SPIDR: variants seen among roughly 807,000 people sequenced by gnomAD.
SPIDR encodes DNA repair-scaffolding protein.
Under a neutral mutation model 104.6 loss-of-function variants are expected in SPIDR, and 93 were observed. That is an observed-to-expected ratio of 0.89 (90% CI 0.75 to 1.06). The LOEUF is 1.06. Ranked by LOEUF, SPIDR falls within the 50% of genes least tolerant of loss-of-function variation. SPIDR has a pLI of 0.00. For synonymous variants in SPIDR, 431 were observed against 416.9 expected (o/e 1.03, Z -0.41); for missense variants, 1,154 against 1,111.2 (o/e 1.04, Z -0.55).
chr8:47,489,678 A>C (rs2078328632), intron 8 of SPIDR, among the ~76,000 whole-genome samples: 1 of 152,248 alleles, frequency 6.6e-6, no homozygotes, highest in South Asian at 2.1e-4. Flanking sequence ...AACAGAACAG[A>C]GCCGTCAGAA....
At chr8:47,295,976 T>C (rs1389395713) in intron 5 of SPIDR, among the ~76,000 whole-genome samples, 1 of 152,212 alleles carries the variant, frequency 6.6e-6, no homozygotes, top group Non-Finnish European at 1.5e-5. Flanking sequence ...TGATAGTCTT[T>C]CTAACAGGTG....
At chr8:47,459,187 A>G (rs906399447) in intron 8 of SPIDR, among the ~76,000 whole-genome samples, 1 of 151,922 alleles carries the variant, frequency 6.6e-6, no homozygotes, top group Admixed American at 6.6e-5. Flanking sequence ...CTCTTTCTCT[A>G]TCTTGTGTAA....
intron 1 of SPIDR, among the ~76,000 whole-genome samples, chr8:47,272,785 GC>G (rs2035600774): frequency 6.6e-6 from 1 of 151,928 alleles, no homozygotes; most frequent in South Asian, 2.1e-4. Flanking sequence ...GGTGAGGACA[GC>G]AGTATTTATG....
intron 5 of SPIDR, among the ~76,000 whole-genome samples, chr8:47,349,993 C>G (rs1345632712): frequency 2.0e-5 from 3 of 152,276 alleles, no homozygotes; most frequent in Admixed American, 1.3e-4. Context: ...CCAGCCAGTC[C>G]CAGTGAGATG....
rs377409895 is a variant in SPIDR at position 47,448,353 on chromosome 8, T to C, written c.1097+7811T>C. Among the ~76,000 whole-genome samples, 10 of 152,322 alleles carry C rather than the reference T, an allele frequency of 6.6e-5. No individual in the cohort carries two copies. In the South Asian group the frequency reaches 1.5e-3, roughly 22 times the overall value. The stretch of plus-strand genomic sequence containing the variant: ...TGTCAGCCTTGTTTATCCTCCCTAA[T>C]TGAATGAGACTTTGTTGATTTGTAC... On this transcript the variant is annotated intron_variant, in intron 8 of 19. Coordinates refer to ENST00000297423, the MANE Select transcript of SPIDR (RefSeq NM_001080394.4).
Position 47,396,545 on chromosome 8 carries a change from A to C in SPIDR, c.695A>C (p.Glu232Ala). The C allele has an allele frequency of 6.2e-7, 1 of 1,614,180 alleles. No individual in the cohort carries two copies. The highest frequency in any genetic ancestry group is 1.1e-5 in the South Asian group (1 of 91,090). ...ATAGATCCAAGGACAAAATCAACAG[A>C]GACCATTTTGCATACACCTCAGAAA... Reference protein sequence around the residue: ...RLIDPRTKSTETILHTPQKPT... With the variant: ...RLIDPRTKSTATILHTPQKPT... Residue 232 changes from glutamate (E) to alanine (A), a missense_variant, in exon 6 of 20, where the codon GAG (glutamate) becomes GCG (alanine). Transcript: ENST00000297423.
chr8:47,625,234 C>T lies in SPIDR; in HGVS notation c.1544+26038C>T, dbSNP rs571886336. Among the ~76,000 whole-genome samples, 571 of 152,208 alleles carry T rather than the reference C, an allele frequency of 3.8e-3. 3 individuals are homozygous for T. Among genetic ancestry groups the T allele is most frequent in the South Asian group, 0.022 (107 of 4,820 alleles). ...ATAAATTAGGTATTGATGAGACGTACCTCAAAATAATAAGAGCTATCTATG... is the reference window on the plus strand; with the variant it reads ...ATAAATTAGGTATTGATGAGACGTATCTCAAAATAATAAGAGCTATCTATG... On this transcript the variant is annotated intron_variant, in intron 10 of 19. Transcript: ENST00000297423.
chr8:47,379,174 C>T (rs1257511429), intron 5 of SPIDR, among the ~76,000 whole-genome samples: 1 of 152,154 alleles, frequency 6.6e-6, no homozygotes, highest in Non-Finnish European at 1.5e-5. Flanking sequence ...ACTGCACTAC[C>T]TCAGAGTCCA....
At chr8:47,447,506 G>A (rs1209392695) in intron 8 of SPIDR, among the ~76,000 whole-genome samples, 4 of 152,186 alleles carry the variant, frequency 2.6e-5, no homozygotes, top group African/African-American at 4.8e-5. Context: ...GAGCCACCGC[G>A]CCTGGCCAGA....
At chr8:47,344,337 A>G (rs1554616084) in intron 5 of SPIDR, among the ~76,000 whole-genome samples, 1 of 152,120 alleles carries the variant, frequency 6.6e-6, no homozygotes, top group Non-Finnish European at 1.5e-5. Flanking sequence ...CATGGTGTAT[A>G]TGTGCCACAT....
intron 8 of SPIDR, among the ~76,000 whole-genome samples, chr8:47,522,195 A>G (rs1245180519): frequency 6.6e-6 from 1 of 151,406 alleles, no homozygotes; most frequent in Non-Finnish European, 1.5e-5. Flanking sequence ...AAAAGAAAAG[A>G]AAAAAAGAAA....
At chr8:47,350,812 C>T (rs573910699) in intron 5 of SPIDR, among the ~76,000 whole-genome samples, 11 of 152,268 alleles carry the variant, frequency 7.2e-5, no homozygotes, top group African/African-American at 2.6e-4. Context: ...ACAGTAATCC[C>T]CCCTTTATCC....
At chr8:47,321,852 C>T (rs1422939822) in intron 5 of SPIDR, among the ~76,000 whole-genome samples, 2 of 152,108 alleles carry the variant, frequency 1.3e-5, no homozygotes, top group African/African-American at 4.8e-5. Flanking sequence ...GAAAACGATT[C>T]CCTATTTAAT....
At chr8:47,570,955 G>A (rs899678753) in intron 8 of SPIDR, among the ~76,000 whole-genome samples, 1 of 151,898 alleles carries the variant, frequency 6.6e-6, no homozygotes, top group Non-Finnish European at 1.5e-5. Context: ...GCCAGGTGTA[G>A]TGGTGGGCGC....
At chr8:47,605,593 T>G (rs992135282) in intron 10 of SPIDR, among the ~76,000 whole-genome samples, 3 of 152,136 alleles carry the variant, frequency 2.0e-5, no homozygotes, top group East Asian at 3.8e-4. Flanking sequence ...GAACAAAAAA[T>G]CTGGAATCAG....
chr8:47,545,412 TA>T (rs758171023), intron 8 of SPIDR, among the ~76,000 whole-genome samples: 1 of 152,100 alleles, frequency 6.6e-6, no homozygotes, highest in Non-Finnish European at 1.5e-5. Flanking sequence ...TGTTGTTTTT[TA>T]AAATTTTGGT....
At chr8:47,298,447 C>T (rs1417416923) in intron 5 of SPIDR, among the ~76,000 whole-genome samples, 3 of 152,122 alleles carry the variant, frequency 2.0e-5, no homozygotes, top group South Asian at 2.1e-4. Flanking sequence ...TGCAGAAGCT[C>T]TTTAGTTTAA....
chr8:47,605,848 C>T (rs2154428599), intron 10 of SPIDR, among the ~76,000 whole-genome samples: 1 of 152,238 alleles, frequency 6.6e-6, no homozygotes, highest in African/African-American at 2.4e-5. Flanking sequence ...AAGAGCATTG[C>T]TACAATAATA....
chr8:47,590,898 G>A (rs528524819), intron 8 of SPIDR, among the ~76,000 whole-genome samples: 2 of 152,204 alleles, frequency 1.3e-5, no homozygotes, highest in East Asian at 1.9e-4. Context: ...TATGTAATGT[G>A]CCTTTCTATA....
Sources: gnomAD v4.1 joint callset for allele counts (sites outside exome capture counted in the v4.1 genomes callset) on GRCh38, gnomAD v4.1.1 for gene constraint, MANE v1.5 for transcripts, NCBI Gene and HGNC (gene_info 2026-07-23, HGNC 2026-07-21) for gene names.